The following KPNA7 variants were observed in gnomAD, a reference collection of about 807,000 sequenced individuals.
The protein encoded by KPNA7 is importin subunit alpha-8.
In KPNA7, 54 loss-of-function variants were observed where a neutral mutation model predicts 53.7. The ratio of observed to expected loss-of-function variants is 1.01; its 90% CI spans 0.81 to 1.26. The LOEUF (loss-of-function observed/expected upper bound fraction) is 1.26. Ranked by LOEUF, KPNA7 falls within the 50% of genes most tolerant of loss-of-function variation. KPNA7 has a pLI of 0.00. For missense variants in KPNA7, 640 were observed against 644.5 expected (o/e 0.99, Z 0.07); for synonymous variants, 276 against 259.3 (o/e 1.06, Z -0.62).
At chr7:99,149,105 G>A in the KPNA7 span, among the ~76,000 whole-genome samples, 1 of 151,932 alleles carries the variant, frequency 6.6e-6, no homozygotes, top group African/African-American at 2.4e-5. Context: ...ATTTCACCAT[G>A]TTGGCCAGAC....
chr7:99,154,901 AC>A, the KPNA7 span, among the ~76,000 whole-genome samples: 5 of 152,158 alleles, frequency 3.3e-5, no homozygotes, highest in Non-Finnish European at 1.5e-5. Flanking sequence ...CTAAAAAGCT[AC>A]CAATGACAAA....
chr7:99,167,756 C>T, the KPNA7 span, among the ~76,000 whole-genome samples: 1 of 150,104 alleles, frequency 6.7e-6, no homozygotes, highest in Non-Finnish European at 1.5e-5. Context: ...GCTAGGATTA[C>T]AGTCATGAGC....
chr7:99,173,381 C>T (rs189999135), downstream of KPNA7, among the ~76,000 whole-genome samples: 77 of 152,106 alleles, frequency 5.1e-4, 1 homozygote, highest in Middle Eastern at 3.4e-3. Flanking sequence ...TTAATAGAGA[C>T]GGAGTTTCAC....
At chr7:99,146,728 AAAAAAAAAAAAAAAAAAAAAC>A in the KPNA7 span, among the ~76,000 whole-genome samples, 1 of 131,840 alleles carries the variant, frequency 7.6e-6, no homozygotes, top group African/African-American at 3.1e-5. Context: ...AAAAAAAAAA[AAAAAAAAAAAAAAAAAAAAAC>A]AACGGAAAAT....
the KPNA7 span, among the ~76,000 whole-genome samples, chr7:99,160,803 G>C: frequency 6.6e-6 from 1 of 151,968 alleles, no homozygotes; most frequent in African/African-American, 2.4e-5. Context: ...CTGTCTTCTG[G>C]TCTTCACACC....
At chr7:99,163,371 ATATATATATATATTTTTTTT>A in the KPNA7 span, among the ~76,000 whole-genome samples, 1 of 55,544 alleles carries the variant, frequency 1.8e-5, no homozygotes, top group African/African-American at 6.6e-5. Context: ...ATATATATAT[ATATATATATATATTTTTTTT>A]TTTTTTTTTT....
chr7:99,198,999 TAA>T (rs901648306), intron 3 of KPNA7, among the ~76,000 whole-genome samples: 2 of 67,340 alleles, frequency 3.0e-5, no homozygotes, highest in African/African-American at 5.9e-5. Flanking sequence ...ATTTACAACA[TAA>T]AAAGAATAAA....
chr7:99,171,350 C>T (rs939063680), downstream of KPNA7, among the ~76,000 whole-genome samples: 56 of 152,314 alleles, frequency 3.7e-4, no homozygotes, highest in African/African-American at 1.1e-3. Context: ...CCTGTAATCC[C>T]AACACTTTGA....
chr7:99,185,203 T>C (rs1239000329), intron 7 of KPNA7, 41 bp from the exon 8 acceptor site: 2 of 1,411,324 alleles, frequency 1.4e-6, no homozygotes, highest in African/African-American at 2.8e-5. Flanking sequence ...TTCAAGTCTA[T>C]CCCAGGAGAA....
At chr7:99,201,588 A>G (rs1790536403) in intron 3 of KPNA7, among the ~76,000 whole-genome samples, 1 of 150,540 alleles carries the variant, frequency 6.6e-6, no homozygotes, top group Non-Finnish European at 1.5e-5. Context: ...GCTTGAACCC[A>G]GGAGGCGGAA....
chr7:99,181,011 CTCTGTGTGTGTGTCTCTCTGTG>C (rs1225491947), intron 9 of KPNA7, among the ~76,000 whole-genome samples: 3 of 33,474 alleles, frequency 9.0e-5, no homozygotes, highest in Admixed American at 2.6e-4. Context: ...GTCTCTCTCT[CTCTGTGTGTGTGTCTCTCTGTG>C]TGTGTCTCTC....
chr7:99,165,147 T>TAA, the KPNA7 span, among the ~76,000 whole-genome samples: 4 of 151,456 alleles, frequency 2.6e-5, no homozygotes, highest in African/African-American at 7.3e-5. Context: ...TCTCAAAAAA[T>TAA]AAAAATAAAA....
Position 99,207,452 on chromosome 7 carries a change from A to T in KPNA7, c.15T>A (p.Asp5Glu), listed in dbSNP as rs981928115. 5 of 1,551,350 alleles carry T rather than the reference A, an allele frequency of 3.2e-6. No individual in the cohort carries two copies. Among genetic ancestry groups the T allele is most frequent in the Non-Finnish European group, 4.4e-6 (5 of 1,146,900 alleles). ...ATTTTCTCCGCCTCTCTTCTGGAGC[A>T]TCTAAGGTCGGCATATTGACTGGAA... MPTL[D>E]APEERRRKFK... is the part of the protein sequence containing the mutation. The change falls in exon 2 of 11, where the codon GAT (aspartate) becomes GAA (glutamate). Residue 5 changes from aspartate (D) to glutamate (E), a missense_variant. By Grantham distance (45) the Asp-to-Glu change is conservative. Transcript: ENST00000327442.
chr7:99,182,516 G>A (rs1489020052), intron 8 of KPNA7, among the ~76,000 whole-genome samples: 2 of 152,026 alleles, frequency 1.3e-5, no homozygotes, highest in Admixed American at 6.6e-5. Flanking sequence ...CGTATTTTTA[G>A]TACAGACAGG....
intron 7 of KPNA7, 124 bp downstream of exon 7, chr7:99,188,176 A>C (rs1789722151): frequency 5.1e-6 from 3 of 588,686 alleles, no homozygotes; most frequent in African/African-American, 3.7e-5. Context: ...CTCTGTCTCA[A>C]AAAAAAAAAA....
At chr7:99,201,189 G>A (rs747628000) in intron 3 of KPNA7, among the ~76,000 whole-genome samples, 2 of 152,098 alleles carry the variant, frequency 1.3e-5, no homozygotes, top group Non-Finnish European at 2.9e-5. Context: ...TTGCAGAGAC[G>A]GTGGGGGATG....
upstream of KPNA7, among the ~76,000 whole-genome samples, chr7:99,209,810 C>A (rs1230345790): frequency 1.3e-5 from 2 of 151,596 alleles, no homozygotes; most frequent in Admixed American, 1.3e-4. Flanking sequence ...TGTTCAAGAC[C>A]AGCTTGGGCA....
the KPNA7 span, among the ~76,000 whole-genome samples, chr7:99,157,485 A>G: frequency 6.6e-6 from 1 of 152,246 alleles, no homozygotes; most frequent in Non-Finnish European, 1.5e-5. Context: ...TTGGGATTAC[A>G]GGCATGAGCC....
intron 2 of KPNA7, among the ~76,000 whole-genome samples, chr7:99,204,881 A>T (rs1790716764): frequency 6.6e-6 from 1 of 152,070 alleles, no homozygotes; most frequent in African/African-American, 2.4e-5. Flanking sequence ...GAAAAAATTT[A>T]AAAGGGTCAT....
Sources: allele counts gnomAD v4.1 joint callset (sites outside exome capture counted in the v4.1 genomes callset), GRCh38; gene constraint gnomAD v4.1.1; transcripts MANE v1.5; gene names NCBI Gene and HGNC (gene_info 2026-07-23, HGNC 2026-07-21).